The following COL24A1 variants were observed in gnomAD, a reference collection of about 807,000 sequenced individuals.
COL24A1 encodes the protein collagen type XXIV alpha 1 chain.
COL24A1 carries 224 observed loss-of-function variants against 253.9 expected under a neutral mutation model. That is an observed-to-expected ratio of 0.88 (90% CI 0.79 to 0.99). The LOEUF is 0.99. Ranked by LOEUF, COL24A1 falls within the 50% of genes least tolerant of loss-of-function variation. The pLI, the probability that COL24A1 is intolerant of heterozygous loss-of-function variation, is 0.00. For synonymous variants in COL24A1, 685 were observed against 673.7 expected (o/e 1.02, Z -0.26); for missense variants, 2,131 against 2,068.5 (o/e 1.03, Z -0.59).
chr1:86,110,179 T>TTA (rs1393212123), intron 5 of COL24A1, among the ~76,000 whole-genome samples: 5 of 151,544 alleles, frequency 3.3e-5, no homozygotes, highest in African/African-American at 1.2e-4. Context: ...ATATTTTATT[T>TTA]TATATATATT....
At chr1:86,048,205 T>C (rs190955765) in intron 11 of COL24A1, among the ~76,000 whole-genome samples, 20 of 152,296 alleles carry the variant, frequency 1.3e-4, no homozygotes, top group African/African-American at 4.3e-4. Flanking sequence ...TGTGTACATG[T>C]TTCATATGTG....
intron 57 of COL24A1, among the ~76,000 whole-genome samples, chr1:85,742,697 GA>G (rs923690350): frequency 5.8e-4 from 87 of 149,410 alleles, no homozygotes; most frequent in African/African-American, 2.1e-3. Context: ...CCCTTTTACA[GA>G]AAAAAAAAAA....
intron 7 of COL24A1, among the ~76,000 whole-genome samples, chr1:86,084,010 G>A (rs1190489398): frequency 6.6e-6 from 1 of 151,946 alleles, no homozygotes; most frequent in Admixed American, 6.6e-5. Context: ...TACAAATTAG[G>A]TAACTACAAC....
At chr1:86,020,775 T>A (rs1348655314) in intron 18 of COL24A1, among the ~76,000 whole-genome samples, 1 of 151,906 alleles carries the variant, frequency 6.6e-6, no homozygotes, top group Non-Finnish European at 1.5e-5. Flanking sequence ...TATCAGAGAG[T>A]CTTTATATGG....
chr1:86,129,603 A>G (rs1054599434), intron 2 of COL24A1, among the ~76,000 whole-genome samples: 1 of 151,442 alleles, frequency 6.6e-6, no homozygotes, highest in Non-Finnish European at 1.5e-5. Flanking sequence ...TAGCATTTTC[A>G]TTTTTGTTGT....
rs2102450493 is a variant in COL24A1 at position 85,862,060 on chromosome 1, C to A, written c.3300+6459G>T. ...GAGAAGCCTTCTCTCACTACCCTAG[C>A]TGATATATGTTCTCTATCTTTAACT... On this transcript the variant is annotated intron_variant, in intron 37 of 59. Coordinates refer to ENST00000370571, the MANE Select transcript of COL24A1 (RefSeq NM_152890.7). Among the ~76,000 whole-genome samples the A allele has an allele frequency of 1.3e-5, 2 of 152,286 alleles. 1 individual carries two copies. The highest frequency in any genetic ancestry group is 4.1e-4 in the South Asian group (2 of 4,824).
At chr1:85,747,235 T>C (rs1243667335) in intron 55 of COL24A1, among the ~76,000 whole-genome samples, 1 of 150,092 alleles carries the variant, frequency 6.7e-6, no homozygotes, top group African/African-American at 2.4e-5. Flanking sequence ...CCTCTCAGCC[T>C]CCCAAGTAGC....
At chr1:86,108,905 G>A (rs991649839) in intron 5 of COL24A1, among the ~76,000 whole-genome samples, 1 of 152,172 alleles carries the variant, frequency 6.6e-6, no homozygotes, top group African/African-American at 2.4e-5. Flanking sequence ...GCTACTGGCT[G>A]AAGTATTAGG....
At chr1:85,968,420 A>G (rs961505721) in intron 22 of COL24A1, among the ~76,000 whole-genome samples, 1 of 152,168 alleles carries the variant, frequency 6.6e-6, no homozygotes, top group Non-Finnish European at 1.5e-5. Context: ...TACTACACAT[A>G]AAAGCTTTAG....
chr1:85,838,550 T>C (rs1436081373), intron 43 of COL24A1, 35 bp downstream of exon 43: 1 of 1,582,200 alleles, frequency 6.3e-7, no homozygotes, highest in South Asian at 1.1e-5. Context: ...GAACCCTATT[T>C]AAATTCATTA....
At chr1:86,094,285 A>G (rs1703733504) in intron 5 of COL24A1, among the ~76,000 whole-genome samples, 1 of 152,080 alleles carries the variant, frequency 6.6e-6, no homozygotes, top group Admixed American at 6.6e-5. Flanking sequence ...GTGGTACTGT[A>G]TATACACCAT....
intron 2 of COL24A1, among the ~76,000 whole-genome samples, chr1:86,135,395 A>C (rs991286075): frequency 1.3e-5 from 2 of 152,084 alleles, no homozygotes; most frequent in African/African-American, 4.8e-5. Flanking sequence ...TGTCATTATG[A>C]TGTTAGCTGG....
chr1:86,036,089 A>T (rs960771074), intron 12 of COL24A1, among the ~76,000 whole-genome samples: 5 of 152,078 alleles, frequency 3.3e-5, no homozygotes, highest in Admixed American at 6.6e-5. Context: ...GTTCACCTTG[A>T]CTTTGCCCCT....
chr1:86,049,540 A>C (rs1046083725), intron 11 of COL24A1, among the ~76,000 whole-genome samples: 12 of 152,336 alleles, frequency 7.9e-5, no homozygotes, highest in African/African-American at 2.6e-4. Flanking sequence ...AAATGAAGGA[A>C]TACAAAGATA....
Position 85,987,607 on chromosome 1 carries a change from T to C in COL24A1, c.2358A>G (p.Gly786=). 6.2e-7 allele frequency: 1 copy of C among 1,610,684 alleles called. No homozygotes were observed. The highest frequency in any genetic ancestry group is 8.5e-7 in the Non-Finnish European group (1 of 1,177,862). Residue 786 remains glycine (G), a synonymous_variant, in exon 20 of 60, where the codon GGA becomes GGG. Transcript: ENST00000370571. ...IGIPGQNGPE[G]PKGLLGNRGP... ...CTCTTCTTCTTCTTCTTACCTTTGGTCCTTCAGGGCCGTTTTGTCCAGGAA... is the reference window on the plus strand; with the variant it reads ...CTCTTCTTCTTCTTCTTACCTTTGGCCCTTCAGGGCCGTTTTGTCCAGGAA...
chr1:86,120,698 T>A (rs530350179), intron 3 of COL24A1, among the ~76,000 whole-genome samples: 1 of 152,124 alleles, frequency 6.6e-6, no homozygotes, highest in South Asian at 2.1e-4. Context: ...TTGATGGGAG[T>A]GTAAACTAGT....
chr1:85,784,711 C>G (rs1342004109), intron 48 of COL24A1, among the ~76,000 whole-genome samples: 1 of 151,638 alleles, frequency 6.6e-6, no homozygotes, highest in Admixed American at 6.6e-5. Context: ...TGTGATGGAA[C>G]TTATATTTTG....
At chr1:85,829,707 G>A (rs1265578520) in intron 43 of COL24A1, among the ~76,000 whole-genome samples, 1 of 151,938 alleles carries the variant, frequency 6.6e-6, no homozygotes, top group Non-Finnish European at 1.5e-5. Flanking sequence ...TCTTCCAGTT[G>A]ATCGCATGGC....
At chr1:85,816,708 A>G in intron 47 of COL24A1, 80 bp downstream of exon 47, 1 of 1,235,136 alleles carries the variant, frequency 8.1e-7, no homozygotes, top group East Asian at 2.3e-5. Flanking sequence ...AAGCTAAAAT[A>G]GATAGCCAAA....
Sources: allele counts gnomAD v4.1 joint callset (sites outside exome capture counted in the v4.1 genomes callset), GRCh38; gene constraint gnomAD v4.1.1; transcripts MANE v1.5; gene names NCBI Gene and HGNC (gene_info 2026-07-23, HGNC 2026-07-21).